CENPF: variants seen among roughly 807,000 people sequenced by gnomAD.
CENPF encodes AH antigen.
In CENPF, 214 loss-of-function variants were observed where a neutral mutation model predicts 307.3. The observed-to-expected ratio is 0.70, with a 90% CI of 0.62 to 0.78. The LOEUF (loss-of-function observed/expected upper bound fraction) is 0.78, where lower values mean the gene tolerates loss of function less well. CENPF is among the 30% of genes least tolerant of loss of function. The probability of loss-of-function intolerance (pLI) is 0.00; values close to 1 mark genes in which losing one functional copy is unlikely to be tolerated. For missense variants in CENPF, 3,401 were observed against 3,483.9 expected (o/e 0.98, Z 0.60); for synonymous variants, 1,259 against 1,270.6 (o/e 0.99, Z 0.19).
intron 3 of CENPF, among the ~76,000 whole-genome samples, chr1:214,617,398 G>A (rs560494283): frequency 6.6e-6 from 1 of 152,086 alleles, no homozygotes; most frequent in African/African-American, 2.4e-5. Flanking sequence ...AAAGAGACTG[G>A]TGCACACCAT....
At position 214,645,962 on chromosome 1, in the gene CENPF, A is replaced by T; in HGVS notation, c.6392A>T (p.Asp2131Val). ...IEKLRVRIEA[D>V]EKKQLHIAEK... ...AAACTGAGAGTTCGCATTGAGGCCGATGAAAAGAAGCAGCTGCACATCGCA... is the reference window on the plus strand; with the variant it reads ...AAACTGAGAGTTCGCATTGAGGCCGTTGAAAAGAAGCAGCTGCACATCGCA... Residue 2131 changes from aspartate to valine, a missense_variant, in exon 13 of 20, where the codon GAT becomes GTT. By Grantham distance (152) the Asp-to-Val change is radical. Transcript: ENST00000366955. The T allele has an allele frequency of 1.2e-6, 2 of 1,614,172 alleles. No homozygotes were observed. Among genetic ancestry groups the T allele is most frequent in the African/African-American group, 2.7e-5 (2 of 75,066 alleles).
In CENPF at chr1:214,652,939, A is replaced by C; in HGVS notation, c.8272A>C (p.Asn2758His). 1.9e-6 allele frequency: 3 copies of C among 1,607,568 alleles called. No homozygotes were observed. The highest frequency in any genetic ancestry group is 2.5e-6 in the Non-Finnish European group (3 of 1,178,066). ...LLKSSKEELNNSLKATTQILE... is the reference protein window; with the variant it reads ...LLKSSKEELNHSLKATTQILE... ...AAAGTCTAGTAAAGAAGAGCTCAAT[A>C]ATTCATTGAAAGCTACTACTCAGAT... is the stretch of plus-strand genomic sequence containing the variant. The change falls in exon 16 of 20, where the codon AAT becomes CAT. Residue 2758 changes from asparagine to histidine, a missense_variant. By Grantham distance (68) the Asn-to-His change is moderately conservative. Transcript: ENST00000366955.
At chr1:214,637,830 C>A in intron 10 of CENPF, 36 bp from the exon 11 acceptor site, 2 of 1,584,188 alleles carry the variant, frequency 1.3e-6, no homozygotes, top group South Asian at 2.3e-5. Context: ...CTTGAGCATT[C>A]GTTTTGGCTA....
At chr1:214,605,718 G>A (rs1463661486) in intron 1 of CENPF, 2 of 1,593,396 alleles carry the variant, frequency 1.3e-6, no homozygotes, top group African/African-American at 2.7e-5. Flanking sequence ...AAGCGACGCA[G>A]GCCCTCCAGG....
At chr1:214,605,947 G>A (rs1657015510) in intron 1 of CENPF, 5 of 1,597,368 alleles carry the variant, frequency 3.1e-6, no homozygotes, top group African/African-American at 1.3e-5. Context: ...CGGGGAAGGC[G>A]ACGCGCATGC....
chr1:214,633,306 T>G (rs1453440731), intron 10 of CENPF, among the ~76,000 whole-genome samples: 2 of 152,228 alleles, frequency 1.3e-5, no homozygotes, highest in African/African-American at 4.8e-5. Context: ...ATTTGGCTTC[T>G]CTCTGAATTT....
At chr1:214,637,476 T>G (rs1460802855) in intron 10 of CENPF, among the ~76,000 whole-genome samples, 1 of 152,138 alleles carries the variant, frequency 6.6e-6, no homozygotes, top group African/African-American at 2.4e-5. Context: ...TTTTTTTTTT[T>G]TTTTGGTTTA....
intron 7 of CENPF, among the ~76,000 whole-genome samples, chr1:214,625,599 G>A (rs539818301): frequency 3.2e-4 from 49 of 151,986 alleles, no homozygotes; most frequent in Non-Finnish European, 6.0e-4. Flanking sequence ...ACCTAAGTCT[G>A]CCATTTTATT....
At chr1:214,662,388 G>A (rs1455473821) in intron 19 of CENPF, among the ~76,000 whole-genome samples, 1 of 152,194 alleles carries the variant, frequency 6.6e-6, no homozygotes, top group Non-Finnish European at 1.5e-5. Context: ...TGAGGGAGAA[G>A]TGAGCTTTCC....
At chr1:214,660,831 A>G (rs1658770197) in intron 19 of CENPF, among the ~76,000 whole-genome samples, 1 of 152,178 alleles carries the variant, frequency 6.6e-6, no homozygotes, top group Admixed American at 6.5e-5. Context: ...CTGATTTGCA[A>G]TCTGAGTTCT....
chr1:214,642,790 C>G lies in CENPF; in HGVS notation c.4452C>G (p.Ser1484Arg). 6.2e-7 allele frequency: 1 copy of G among 1,613,912 alleles called. No individual in the cohort carries two copies. Among genetic ancestry groups the G allele is most frequent in the Non-Finnish European group, 8.5e-7 (1 of 1,179,942 alleles). ...TGTCATCCTCTTGTGTGCCTGACAG[C>G]TCTAGTCTTAGCAGTTTGGGAGACT... ...PSLSSSCVPD[S>R]SSLSSLGDSS... Residue 1484 changes from serine to arginine, a missense_variant, in exon 12 of 20, where the codon AGC becomes AGG. Coordinates refer to ENST00000366955, the MANE Select transcript of CENPF (RefSeq NM_016343.4).
rs753526847 is a variant in CENPF at position 214,640,630 on chromosome 1, G to T, written c.2292G>T (p.Arg764Ser). ...TGCATGCCGAATATGAGAGCCTCAG[G>T]GATCTGCTAAAATCCAAAGATGCTT... ...QDLHAEYESL[R>S]DLLKSKDASL... The change falls in exon 12 of 20, where the codon AGG becomes AGT. Residue 764 changes from arginine to serine, a missense_variant. Arg to Ser is a moderately radical substitution (Grantham distance 110). Transcript: ENST00000366955. The T allele has an allele frequency of 9.9e-6, 16 of 1,613,994 alleles. No individual in the cohort carries two copies. The South Asian group carries it at 1.8e-4, about 18-fold the overall frequency.
rs1030179269 is a variant in CENPF at position 214,632,408 on chromosome 1, G to A, written c.1324-72G>A. ...TTTGATATTCCATGACCATTTTATTGTTTAAGAATACATGATTAATGAAAA... is the reference window on the plus strand; with the variant it reads ...TTTGATATTCCATGACCATTTTATTATTTAAGAATACATGATTAATGAAAA... On this transcript the variant is annotated intron_variant, in intron 9 of 19. Coordinates refer to ENST00000366955, the MANE Select transcript of CENPF (RefSeq NM_016343.4). The A allele has an allele frequency of 3.3e-6, 5 of 1,528,850 alleles. No individual in the cohort carries two copies. The Admixed American group carries it at 5.5e-5, about 17-fold the overall frequency. The allele number at this position is 1,528,850 out of a possible 1,614,324, so 94.7% of individuals were successfully genotyped here. A position where few individuals can be genotyped will look rare whatever the true frequency, so the allele number is the denominator to read the frequency against.
intron 5 of CENPF, 23 bp downstream of exon 5, chr1:214,619,243 A>AACTGCATACTCTATT: frequency 9.1e-7 from 1 of 1,099,802 alleles, no homozygotes; most frequent in Non-Finnish European, 1.4e-6. Flanking sequence ...TGGGCCCTAT[A>AACTGCATACTCTATT]ATAGAGTATG....
Position 214,645,895 on chromosome 1 carries a change from T to C in CENPF, c.6325T>C (p.Ser2109Pro), listed in dbSNP as rs749359392. ...AGGTGAGTTCGCATTGAGGCTGAGCTCAACACAGGAGGAAGTGCATCAGCT... is the reference window on the plus strand; with the variant it reads ...AGGTGAGTTCGCATTGAGGCTGAGCCCAACACAGGAGGAAGTGCATCAGCT... Reference protein sequence around the residue: ...EKGEFALRLSSTQEEVHQLRR... With the variant: ...EKGEFALRLSPTQEEVHQLRR... The change falls in exon 13 of 20, where the codon TCA (serine) becomes CCA (proline). Residue 2109 changes from serine to proline, a missense_variant. Transcript: ENST00000366955. The C allele has an allele frequency of 3.7e-6, 6 of 1,613,866 alleles. No homozygotes were observed. In the South Asian group the frequency reaches 6.6e-5, roughly 18 times the overall value.
Position 214,646,387 on chromosome 1 carries a change from G to A in CENPF, c.6817G>A (p.Ala2273Thr). Reference sequence around the variant, plus strand: ...GTTAAAGGAGCTAAATGAGGCAGTAGCAGCCTTGTGTGGTGACCAAGAAAT... The same window carrying A: ...GTTAAAGGAGCTAAATGAGGCAGTAACAGCCTTGTGTGGTGACCAAGAAAT... ...NQLKELNEAV[A>T]ALCGDQEIMK... Residue 2273 changes from alanine to threonine, a missense_variant, in exon 13 of 20, where the codon GCA (alanine) becomes ACA (threonine). Ala to Thr is a moderately conservative substitution (Grantham distance 58). Coordinates refer to ENST00000366955, the MANE Select transcript of CENPF (RefSeq NM_016343.4). 1.2e-6 allele frequency: 2 copies of A among 1,614,154 alleles called. No homozygotes were observed. Among genetic ancestry groups the A allele is most frequent in the South Asian group, 1.1e-5 (1 of 91,082 alleles).
intron 16 of CENPF, 171 bp from the exon 17 acceptor site, chr1:214,655,069 CT>C: frequency 2.4e-6 from 1 of 419,546 alleles, no homozygotes; most frequent in Non-Finnish European, 4.2e-6. Flanking sequence ...GTTGGGGGGA[CT>C]TAGGAAACTG....
At chr1:214,631,557 T>C (rs1294804788) in intron 9 of CENPF, among the ~76,000 whole-genome samples, 2 of 152,244 alleles carry the variant, frequency 1.3e-5, no homozygotes, top group Non-Finnish European at 2.9e-5. Context: ...TGGAGTGCAG[T>C]GGCACGATCT....
intron 7 of CENPF, among the ~76,000 whole-genome samples, chr1:214,625,515 C>T (rs941429914): frequency 1.3e-5 from 2 of 152,210 alleles, no homozygotes; most frequent in African/African-American, 2.4e-5. Flanking sequence ...GCCACTGCAC[C>T]TGTCCTCCAC....
Sources: allele counts gnomAD v4.1 joint callset (sites outside exome capture counted in the v4.1 genomes callset), GRCh38; gene constraint gnomAD v4.1.1; transcripts MANE v1.5; gene names NCBI Gene and HGNC (gene_info 2026-07-23, HGNC 2026-07-21).